The following LRTM3 variants were observed in gnomAD, a reference collection of about 807,000 sequenced individuals.
The protein encoded by LRTM3 is leucine-rich repeat transmembrane protein 3.
the LRTM3 span, chr13:102,737,281 A>G: frequency 6.4e-7 from 1 of 1,551,190 alleles, no homozygotes. Flanking sequence ...TCCCTGCATC[A>G]AATGATTTCT....
At chr13:102,733,586 T>C in the LRTM3 span, 4 of 1,551,154 alleles carry the variant, frequency 2.6e-6, no homozygotes, top group African/African-American at 1.4e-5. Context: ...TTTAGTTGCA[T>C]CCATTGTGGG....
the LRTM3 span, chr13:102,739,016 G>T: frequency 6.5e-7 from 1 of 1,550,290 alleles, no homozygotes; most frequent in South Asian, 1.2e-5. Flanking sequence ...TTTTTCCATT[G>T]TATCTGATAA....
At chr13:102,744,279 G>A in the LRTM3 span, 35 of 1,550,310 alleles carry the variant, frequency 2.3e-5, no homozygotes, top group Non-Finnish European at 2.6e-5. Flanking sequence ...GTATAGCTCC[G>A]GCTTTCATAT....
the LRTM3 span, among the ~76,000 whole-genome samples, chr13:102,751,501 G>C: frequency 2.0e-5 from 3 of 151,986 alleles, no homozygotes; most frequent in Admixed American, 1.3e-4. Flanking sequence ...CGTTTTGAAG[G>C]TGGGGTCAAA....
At chr13:102,732,950 A>C in the LRTM3 span, 1 of 1,551,334 alleles carries the variant, frequency 6.4e-7, no homozygotes, top group Non-Finnish European at 8.7e-7. Context: ...CTTCGGAAGA[A>C]ATTCCAGAAC....
At chr13:102,753,158 A>G in the LRTM3 span, among the ~76,000 whole-genome samples, 1 of 152,192 alleles carries the variant, frequency 6.6e-6, no homozygotes, top group East Asian at 1.9e-4. Context: ...AGAATGAGTT[A>G]ATGCCCTTTG....
chr13:102,736,848 A>T, the LRTM3 span: 4 of 1,551,016 alleles, frequency 2.6e-6, no homozygotes, highest in African/African-American at 2.7e-5. Flanking sequence ...ATATCATTCA[A>T]ATATGACAAT....
the LRTM3 span, chr13:102,729,696 C>T: frequency 6.4e-7 from 1 of 1,551,932 alleles, no homozygotes; most frequent in Non-Finnish European, 8.7e-7. Flanking sequence ...TTGATATCGT[C>T]ATGATGAGGT....
chr13:102,745,812 T>C, the LRTM3 span: 4 of 1,551,168 alleles, frequency 2.6e-6, no homozygotes, highest in Non-Finnish European at 3.5e-6. Flanking sequence ...CTAACATGAC[T>C]CTCTACCTTT....
chr13:102,733,832 G>A, the LRTM3 span: 49 of 1,551,440 alleles, frequency 3.2e-5, no homozygotes, highest in Non-Finnish European at 4.1e-5. Context: ...CTGTTGCTCT[G>A]CCTCTGGGCG....
the LRTM3 span, chr13:102,733,070 G>A: frequency 1.1e-5 from 17 of 1,551,332 alleles, no homozygotes; most frequent in South Asian, 5.9e-5. Flanking sequence ...GCTGAGGTGC[G>A]CTGTTGTTTT....
At chr13:102,739,642 C>T in the LRTM3 span, 4 of 1,550,364 alleles carry the variant, frequency 2.6e-6, no homozygotes, top group Middle Eastern at 1.7e-4. Flanking sequence ...ACAGTGATGA[C>T]TTCCTTGGCT....
At chr13:102,729,758 T>C in the LRTM3 span, 2 of 1,551,918 alleles carry the variant, frequency 1.3e-6, no homozygotes, top group Admixed American at 2.0e-5. Flanking sequence ...TTCTGACTCA[T>C]AATCATACAC....
chr13:102,745,807 A>G, the LRTM3 span: 4 of 1,551,232 alleles, frequency 2.6e-6, no homozygotes, highest in South Asian at 1.2e-5. Flanking sequence ...AAAACCTAAC[A>G]TGACTCTCTA....
the LRTM3 span, chr13:102,750,036 T>A: frequency 6.5e-7 from 1 of 1,550,190 alleles, no homozygotes; most frequent in East Asian, 2.4e-5. Flanking sequence ...ACAGTGAATC[T>A]AGATGCTGAA....
chr13:102,749,400 C>G, the LRTM3 span: 1 of 1,551,336 alleles, frequency 6.4e-7, no homozygotes, highest in Non-Finnish European at 8.7e-7. Context: ...TCTTCAGTGA[C>G]TAAATTTGGA....
chr13:102,734,857 G>T, the LRTM3 span: 7 of 1,550,928 alleles, frequency 4.5e-6, no homozygotes, highest in Non-Finnish European at 6.1e-6. Context: ...GGAATATTAA[G>T]ATGCTTACTA....
At chr13:102,730,765 A>G in the LRTM3 span, 16 of 1,551,524 alleles carry the variant, frequency 1.0e-5, no homozygotes, top group Admixed American at 3.9e-5. Context: ...TTAACTTACT[A>G]TGTTTGGGAA....
chr13:102,754,283 GC>G, the LRTM3 span, among the ~76,000 whole-genome samples: 1 of 147,908 alleles, frequency 6.8e-6, no homozygotes, highest in Non-Finnish European at 1.5e-5. Flanking sequence ...TCAGCAGTTT[GC>G]TTTGCTCACT....
Sources: gnomAD v4.1 joint callset for allele counts (sites outside exome capture counted in the v4.1 genomes callset) on GRCh38, gnomAD v4.1.1 for gene constraint, MANE v1.5 for transcripts, NCBI Gene and HGNC (gene_info 2026-07-23, HGNC 2026-07-21) for gene names.